The following DOK6 variants were observed in gnomAD, a reference collection of about 807,000 sequenced individuals.
DOK6 encodes downstream of tyrosine kinase 6.
A neutral mutation model predicts 44.0 loss-of-function variants in DOK6; 22 were observed. The ratio of observed to expected loss-of-function variants is 0.50; its 90% CI spans 0.36 to 0.71. The LOEUF (loss-of-function observed/expected upper bound fraction) is 0.71. DOK6 is among the 30% of genes least tolerant of loss of function. The pLI, the probability that DOK6 is intolerant of heterozygous loss-of-function variation, is 0.00. For missense variants in DOK6, 340 were observed against 416.4 expected (o/e 0.82, Z 1.60); for synonymous variants, 166 against 145.5 (o/e 1.14, Z -1.01).
chr18:69,435,944 A>T (rs1353863740), intron 1 of DOK6, among the ~76,000 whole-genome samples: 5 of 152,078 alleles, frequency 3.3e-5, no homozygotes, highest in African/African-American at 9.7e-5. Flanking sequence ...ATTCCCTGCT[A>T]TGAAAACTGA....
At chr18:69,514,291 A>G (rs1407496429) in intron 1 of DOK6, among the ~76,000 whole-genome samples, 1 of 152,158 alleles carries the variant, frequency 6.6e-6, no homozygotes, top group African/African-American at 2.4e-5. Context: ...GGAGGGAAGA[A>G]GACATGAAGA....
intron 5 of DOK6, among the ~76,000 whole-genome samples, chr18:69,734,897 G>C (rs749696898): frequency 6.6e-6 from 1 of 151,840 alleles, no homozygotes; most frequent in Non-Finnish European, 1.5e-5. Flanking sequence ...TCAAAGTCAC[G>C]CCTTCATAGA....
At chr18:69,840,132 G>C (rs1390609512) in intron 7 of DOK6, among the ~76,000 whole-genome samples, 3 of 152,186 alleles carry the variant, frequency 2.0e-5, no homozygotes, top group Admixed American at 6.5e-5. Context: ...GGCTGAAAGC[G>C]AGTGACATTG....
At chr18:69,709,416 TA>T (rs1029370311) in intron 5 of DOK6, among the ~76,000 whole-genome samples, 1 of 152,156 alleles carries the variant, frequency 6.6e-6, no homozygotes, top group Non-Finnish European at 1.5e-5. Flanking sequence ...CAATATTTTT[TA>T]AAAAAATATG....
At chr18:69,486,545 C>T (rs977364175) in intron 1 of DOK6, among the ~76,000 whole-genome samples, 2 of 152,284 alleles carry the variant, frequency 1.3e-5, no homozygotes, top group African/African-American at 2.4e-5. Flanking sequence ...TGGAAACTTA[C>T]ATTGTGTACT....
chr18:69,745,516 T>C (rs1978956690), intron 6 of DOK6, among the ~76,000 whole-genome samples: 1 of 152,206 alleles, frequency 6.6e-6, no homozygotes, highest in Admixed American at 6.5e-5. Flanking sequence ...GGAGTTGATA[T>C]AAGCATTGCC....
At chr18:69,564,311 T>G (rs1362519360) in intron 1 of DOK6, among the ~76,000 whole-genome samples, 176 bp from the exon 2 acceptor site, 1 of 152,220 alleles carries the variant, frequency 6.6e-6, no homozygotes, top group Non-Finnish European at 1.5e-5. Flanking sequence ...CACAAAAAAT[T>G]ATTTTACATG....
At chr18:69,476,291 T>C (rs2144526374) in intron 1 of DOK6, among the ~76,000 whole-genome samples, 1 of 152,334 alleles carries the variant, frequency 6.6e-6, no homozygotes, top group Non-Finnish European at 1.5e-5. Flanking sequence ...GGTATACAGA[T>C]ATATGTGAAT....
intron 1 of DOK6, among the ~76,000 whole-genome samples, chr18:69,503,470 C>G (rs990711491): frequency 1.3e-4 from 19 of 151,996 alleles, no homozygotes; most frequent in African/African-American, 4.3e-4. Context: ...TAATAAAGTT[C>G]TCATTGTCAT....
At chr18:69,536,795 C>A (rs962443827) in intron 1 of DOK6, among the ~76,000 whole-genome samples, 24 of 151,804 alleles carry the variant, frequency 1.6e-4, no homozygotes, top group African/African-American at 5.8e-4. Context: ...ATTTAGTTCA[C>A]CTGCTTCATT....
At chr18:69,768,636 G>T (rs9953345) in intron 7 of DOK6, among the ~76,000 whole-genome samples, 3,602 of 147,974 alleles carry the variant, frequency 0.024, 123 homozygotes, top group African/African-American at 0.079. Context: ...GAATACGGCA[G>T]AGACTTGATA....
At chr18:69,529,026 C>T (rs933291804) in intron 1 of DOK6, among the ~76,000 whole-genome samples, 7 of 152,136 alleles carry the variant, frequency 4.6e-5, no homozygotes, top group South Asian at 2.1e-4. Flanking sequence ...GCAATGAATA[C>T]GGTTTCTTGG....
intron 3 of DOK6, among the ~76,000 whole-genome samples, chr18:69,617,450 G>A (rs1984315627): frequency 6.8e-6 from 1 of 147,110 alleles, no homozygotes; most frequent in Admixed American, 6.8e-5. Context: ...GGGAGAGAGG[G>A]AGGAAGGAAG....
chr18:69,729,694 C>T (rs1312299391), intron 5 of DOK6, among the ~76,000 whole-genome samples: 1 of 152,110 alleles, frequency 6.6e-6, no homozygotes, highest in Non-Finnish European at 1.5e-5. Context: ...GAAAAATACA[C>T]CCGCCAAGGG....
intron 3 of DOK6, among the ~76,000 whole-genome samples, chr18:69,653,378 G>A (rs545785046): frequency 1.1e-4 from 17 of 152,090 alleles, no homozygotes; most frequent in South Asian, 1.0e-3. Flanking sequence ...CTGAGGTCCC[G>A]GAGAAAAGGA....
At chr18:69,730,283 A>G (rs557453666) in intron 5 of DOK6, among the ~76,000 whole-genome samples, 5 of 152,300 alleles carry the variant, frequency 3.3e-5, no homozygotes, top group Middle Eastern at 3.4e-3. Flanking sequence ...TTTCCTCCCT[A>G]TCTACTTGTA....
At position 69,418,371 on chromosome 18, in the gene DOK6, A is replaced by C. The variant is rs568133125; in HGVS notation, c.66+17061A>C. Among the ~76,000 whole-genome samples the C allele has an allele frequency of 6.6e-5, 10 of 152,200 alleles. No homozygotes were observed. In the South Asian group the frequency reaches 1.9e-3, roughly 28 times the overall value. Reference sequence around the variant, plus strand: ...TGATCTTTTATTATAATATCTGATAAATTTTATATTTTCATCTAAGCCTGA... The same window carrying C: ...TGATCTTTTATTATAATATCTGATACATTTTATATTTTCATCTAAGCCTGA... On this transcript the variant is annotated intron_variant, in intron 1 of 7. Coordinates refer to ENST00000382713, the MANE Select transcript of DOK6 (RefSeq NM_152721.6).
At chr18:69,731,073 G>A (rs1237591023) in intron 5 of DOK6, among the ~76,000 whole-genome samples, 3 of 151,828 alleles carry the variant, frequency 2.0e-5, no homozygotes, top group Non-Finnish European at 4.4e-5. Context: ...GTTTTACTGG[G>A]TAGCTTGTTT....
intron 1 of DOK6, among the ~76,000 whole-genome samples, chr18:69,525,210 T>C (rs936290324): frequency 2.0e-5 from 3 of 151,902 alleles, no homozygotes; most frequent in African/African-American, 7.2e-5. Context: ...TTTTTCTTTA[T>C]TATGCATAAT....
Sources: gnomAD v4.1 joint callset for allele counts (sites outside exome capture counted in the v4.1 genomes callset) on GRCh38, gnomAD v4.1.1 for gene constraint, MANE v1.5 for transcripts, NCBI Gene and HGNC (gene_info 2026-07-23, HGNC 2026-07-21) for gene names.